Variants in LEPR observed in about 807,000 individuals in gnomAD.
The protein encoded by LEPR is OB receptor.
Under a neutral mutation model 114.7 loss-of-function variants are expected in LEPR, and 56 were observed. The observed-to-expected ratio is 0.49, with a 90% confidence interval of 0.39 to 0.61. The LOEUF is 0.61. Ranked by LOEUF, LEPR falls within the 20% of genes least tolerant of loss-of-function variation. The pLI is 0.00. For synonymous variants in LEPR, 443 were observed against 461.4 expected (o/e 0.96, Z 0.51); for missense variants, 1,202 against 1,352.9 (o/e 0.89, Z 1.75).
chr1:65,504,313 A>G (rs964865324), intron 2 of LEPR, among the ~76,000 whole-genome samples: 1 of 152,176 alleles, frequency 6.6e-6, no homozygotes, highest in Non-Finnish European at 1.5e-5. Flanking sequence ...GATCGTGCAT[A>G]GTGATTTCCT....
chr1:65,638,358 G>A lies in LEPR; in HGVS notation c.*1343G>A, dbSNP rs1031066368. On this transcript the variant is annotated 3_prime_UTR_variant, in exon 20 of 20. Coordinates refer to ENST00000349533, the MANE Select transcript of LEPR (RefSeq NM_002303.6). ...TTATTATTTATTCAACTTTTGGTAC[G>A]GTAAAAAAATTCAAAGACAGCATAT... 2.6e-5 allele frequency: 4 copies of A among 151,946 alleles called. No individual in the cohort carries two copies. The highest frequency in any genetic ancestry group is 6.6e-5 in the Admixed American group (1 of 15,260). The allele number at this position is 151,946 out of a possible 1,614,324, so 9.4% of individuals were successfully genotyped here.
intron 2 of LEPR, among the ~76,000 whole-genome samples, chr1:65,496,835 C>G (rs1160518021): frequency 6.6e-6 from 1 of 152,070 alleles, no homozygotes; most frequent in Non-Finnish European, 1.5e-5. Context: ...GTCCTAGGAC[C>G]AGCAGCAGCA....
At chr1:65,554,850 C>T (rs1268241854) in intron 2 of LEPR, among the ~76,000 whole-genome samples, 8 of 152,060 alleles carry the variant, frequency 5.3e-5, no homozygotes, top group East Asian at 1.9e-4. Context: ...TGTAGGCACC[C>T]GAGGGAATCT....
rs766501789 is a variant in LEPR, at chr1:65,572,354, A to T, written c.399A>T (p.Leu133=). The T allele has an allele frequency of 6.3e-7, 1 of 1,581,704 alleles. No individual in the cohort carries two copies. Among genetic ancestry groups the T allele is most frequent in the South Asian group, 1.1e-5 (1 of 87,784 alleles). Residue 133 remains leucine, a synonymous_variant, in exon 5 of 20, where the codon CTA becomes CTT. Coordinates refer to ENST00000349533, the MANE Select transcript of LEPR (RefSeq NM_002303.6). ...IDANWNIQCW[L]KGDLKLFICY... ...CAAACTGGAACATACAGTGCTGGCTAAAAGGAGACTTAAAATTATTCATCT... is the reference window on the plus strand; with the variant it reads ...CAAACTGGAACATACAGTGCTGGCTTAAAGGAGACTTAAAATTATTCATCT...
chr1:65,604,447 C>T (rs770615000), intron 10 of LEPR, among the ~76,000 whole-genome samples: 57 of 152,216 alleles, frequency 3.7e-4, no homozygotes, highest in African/African-American at 2.4e-5. Context: ...CCAGTTCAAG[C>T]GATTCTCCTG....
chr1:65,620,733 G>A (rs556933332), intron 17 of LEPR, among the ~76,000 whole-genome samples: 30 of 152,196 alleles, frequency 2.0e-4, no homozygotes, highest in Non-Finnish European at 2.9e-5. Context: ...AACTACAGGA[G>A]GTCCTTGAAT....
At chr1:65,554,026 ACCAGCGGAGGCT>A (rs1652627166) in intron 2 of LEPR, among the ~76,000 whole-genome samples, 1 of 152,142 alleles carries the variant, frequency 6.6e-6, no homozygotes, top group Non-Finnish European at 1.5e-5. Flanking sequence ...CCTGGGTATC[ACCAGCGGAGGCT>A]GCAGACCAGC....
rs187788773 is a variant in LEPR, at chr1:65,626,730, C to A, written c.2673+3749C>A. On this transcript the variant is annotated intron_variant, in intron 19 of 19. Coordinates refer to ENST00000349533, the MANE Select transcript of LEPR (RefSeq NM_002303.6). Reference sequence around the variant, plus strand: ...AGATCTCAGCTCACTGCAGCCTCGACGTCCTTGGGCTCAACTGATCCTCCC... The same window carrying A: ...AGATCTCAGCTCACTGCAGCCTCGAAGTCCTTGGGCTCAACTGATCCTCCC... Among the ~76,000 whole-genome samples the A allele has an allele frequency of 1.2e-4, 19 of 152,208 alleles. No homozygotes were observed. The East Asian group carries it at 3.7e-3, about 29-fold the overall frequency.
chr1:65,613,782 A>AC (rs1657356284), intron 14 of LEPR, among the ~76,000 whole-genome samples: 1 of 149,924 alleles, frequency 6.7e-6, no homozygotes, highest in African/African-American at 2.5e-5. Context: ...AAAAAAAAAA[A>AC]CCAAGTATCT....
chr1:65,616,231 A>G lies in LEPR; in HGVS notation c.2212+7A>G. On this transcript the variant is annotated splice_region_variant and intron_variant, in intron 15 of 19. Coordinates refer to ENST00000349533, the MANE Select transcript of LEPR (RefSeq NM_002303.6). ...TCATGGCCTATGAGCAAAGGTAAGA[A>G]GAGGTACAGAGTGGTAATCCATTGC... 1 of 1,613,228 alleles carries G rather than the reference A, an allele frequency of 6.2e-7. No individual in the cohort carries two copies. Among genetic ancestry groups the G allele is most frequent in the South Asian group, 1.1e-5 (1 of 91,018 alleles).
chr1:65,524,324 C>G (rs1315352194), intron 2 of LEPR, among the ~76,000 whole-genome samples: 1 of 152,110 alleles, frequency 6.6e-6, no homozygotes, highest in Non-Finnish European at 1.5e-5. Context: ...TGGTGGAAAT[C>G]CAAGGGTTAG....
At chr1:65,542,601 T>C (rs889206387) in intron 2 of LEPR, among the ~76,000 whole-genome samples, 1 of 151,258 alleles carries the variant, frequency 6.6e-6, no homozygotes, top group African/African-American at 2.5e-5. Context: ...CTCCTGGTGC[T>C]ATCCCTCCCC....
intron 2 of LEPR, chr1:65,431,817 C>T (rs746273603): frequency 7.9e-5 from 127 of 1,613,516 alleles, no homozygotes; most frequent in Non-Finnish European, 1.0e-4. Context: ...AATGGGGAGC[C>T]TGCGGCCTTG....
chr1:65,638,727 T>C lies in LEPR; in HGVS notation c.*1712T>C, dbSNP rs879902345. The C allele has an allele frequency of 6.6e-6, 1 of 152,170 alleles. No individual in the cohort carries two copies. Among genetic ancestry groups the C allele is most frequent in the Non-Finnish European group, 1.5e-5 (1 of 68,026 alleles). The allele number at this position is 152,170 out of a possible 1,614,324, so 9.4% of individuals were successfully genotyped here. ...TAAAGTTATTCCATGTCATAAGTAT[T>C]TTTAAGATGTCTCAGGATCTCACAT... On this transcript the variant is annotated 3_prime_UTR_variant, in exon 20 of 20. Transcript: ENST00000349533.
intron 2 of LEPR, among the ~76,000 whole-genome samples, chr1:65,453,250 T>C (rs1035622257): frequency 3.3e-5 from 5 of 152,224 alleles, no homozygotes; most frequent in Admixed American, 1.3e-4. Context: ...TCATTAATTT[T>C]TTGAAGGGTT....
chr1:65,427,535 G>A (rs1214071848), intron 2 of LEPR, among the ~76,000 whole-genome samples: 1 of 152,098 alleles, frequency 6.6e-6, no homozygotes, highest in African/African-American at 2.4e-5. Context: ...GTCCAGCCTG[G>A]GCGACAGAGT....
chr1:65,607,713 A>T (rs1656903969), intron 11 of LEPR, among the ~76,000 whole-genome samples: 1 of 152,156 alleles, frequency 6.6e-6, no homozygotes, highest in Non-Finnish European at 1.5e-5. Flanking sequence ...CTTTTAGTTT[A>T]AAATATGCCA....
intron 18 of LEPR, among the ~76,000 whole-genome samples, chr1:65,622,394 G>A (rs1466589072): frequency 6.6e-6 from 1 of 152,108 alleles, no homozygotes; most frequent in African/African-American, 2.4e-5. Context: ...GGCTTGTCAG[G>A]CAAATGCCTG....
At chr1:65,600,183 G>T (rs891455120) in intron 8 of LEPR, among the ~76,000 whole-genome samples, 1 of 152,024 alleles carries the variant, frequency 6.6e-6, no homozygotes, top group Non-Finnish European at 1.5e-5. Flanking sequence ...AGGTTGTGGC[G>T]CATACTGAAG....
Sources: allele counts gnomAD v4.1 joint callset (sites outside exome capture counted in the v4.1 genomes callset), GRCh38; gene constraint gnomAD v4.1.1; transcripts MANE v1.5; gene names NCBI Gene and HGNC (gene_info 2026-07-23, HGNC 2026-07-21).